The following PLEKHA5 variants were observed in gnomAD, a reference collection of about 807,000 sequenced individuals.
The protein encoded by PLEKHA5 is pleckstrin homology domain containing A5, also known as pleckstrin homology domain-containing family A member 5.
PLEKHA5 carries 55 observed loss-of-function variants against 181.9 expected under a neutral mutation model. The observed-to-expected ratio is 0.30, with a 90% CI of 0.24 to 0.38. The LOEUF (loss-of-function observed/expected upper bound fraction) is 0.38. PLEKHA5 is among the 10% of genes least tolerant of loss of function. The pLI, the probability that PLEKHA5 is intolerant of heterozygous loss-of-function variation, is 1.00. For missense variants in PLEKHA5, 1,432 were observed against 1,549.5 expected, an observed-to-expected ratio of 0.92 and a Z score of 1.27; for synonymous variants, 535 against 529.4, an observed-to-expected ratio of 1.01 and a Z score of -0.15.
chr12:19,253,660 T>C (rs1190307884), intron 3 of PLEKHA5, among the ~76,000 whole-genome samples: 1 of 151,658 alleles, frequency 6.6e-6, no homozygotes, highest in African/African-American at 2.4e-5. Context: ...CTACTAAAAA[T>C]ACAAAAAATT....
chr12:19,234,756 A>G (rs1372656352), intron 3 of PLEKHA5, among the ~76,000 whole-genome samples: 1 of 152,208 alleles, frequency 6.6e-6, no homozygotes, highest in African/African-American at 2.4e-5. Context: ...ATTCCTTCTC[A>G]GTAAGTTTTA....
intron 3 of PLEKHA5, among the ~76,000 whole-genome samples, chr12:19,213,651 T>C (rs1450480329): frequency 6.6e-6 from 1 of 152,116 alleles, no homozygotes; most frequent in African/African-American, 2.4e-5. Flanking sequence ...ATAGATTCCT[T>C]AATGTTTGAA....
At chr12:19,353,835 T>C in intron 25 of PLEKHA5, 49 bp from the exon 26 acceptor site, 1 of 819,428 alleles carries the variant, frequency 1.2e-6, no homozygotes, top group Non-Finnish European at 2.1e-6. Flanking sequence ...AAGAAAGCAA[T>C]GCTGTATAAA....
At chr12:19,274,109 C>A (rs2073878790) in intron 10 of PLEKHA5, among the ~76,000 whole-genome samples, 1 of 152,214 alleles carries the variant, frequency 6.6e-6, no homozygotes, top group East Asian at 1.9e-4. Context: ...CAACCAGACT[C>A]ATGTTTGTCT....
At chr12:19,256,972 T>G (rs2067047376) in intron 5 of PLEKHA5, among the ~76,000 whole-genome samples, 1 of 152,172 alleles carries the variant, frequency 6.6e-6, no homozygotes, top group African/African-American at 2.4e-5. Context: ...ATATATTTGT[T>G]TATATTTAAT....
At chr12:19,138,042 G>A (rs975711486) in intron 3 of PLEKHA5, among the ~76,000 whole-genome samples, 1 of 152,122 alleles carries the variant, frequency 6.6e-6, no homozygotes, top group Non-Finnish European at 1.5e-5. Flanking sequence ...TAGGAAGGGG[G>A]AGGAAGTGGT....
chr12:19,311,113 A>G (rs574599146), intron 15 of PLEKHA5, among the ~76,000 whole-genome samples: 2 of 152,146 alleles, frequency 1.3e-5, no homozygotes, highest in African/African-American at 2.4e-5. Flanking sequence ...GTTTGAGAAC[A>G]TATTGCCCGT....
intron 3 of PLEKHA5, among the ~76,000 whole-genome samples, chr12:19,237,379 T>G (rs1044895421): frequency 6.6e-6 from 1 of 152,126 alleles, no homozygotes; most frequent in Non-Finnish European, 1.5e-5. Flanking sequence ...ATTTAAAATC[T>G]TATTGTTCCT....
Position 19,359,559 on chromosome 12 carries a change from T to G in PLEKHA5, c.3483+13T>G. 6.2e-7 allele frequency: 1 copy of G among 1,611,770 alleles called. No individual in the cohort carries two copies. Among genetic ancestry groups the G allele is most frequent in the African/African-American group, 1.3e-5 (1 of 74,950 alleles). On this transcript the variant is annotated intron_variant, in intron 28 of 31. Transcript: ENST00000429027. Reference sequence around the variant, plus strand: ...CTTCAGCAAAGAGGTAGCGAGATTATTTTATGAAAGGTATTCCAAAGGAAT... The same window carrying G: ...CTTCAGCAAAGAGGTAGCGAGATTAGTTTATGAAAGGTATTCCAAAGGAAT...
chr12:19,283,809 A>G (rs1265771342), intron 12 of PLEKHA5, 64 bp downstream of exon 12: 8 of 1,004,396 alleles, frequency 8.0e-6, no homozygotes, highest in Non-Finnish European at 1.2e-5. Flanking sequence ...TCTTTCTAGT[A>G]TACTATTTTA....
chr12:19,182,848 G>T (rs2048923625), intron 3 of PLEKHA5, among the ~76,000 whole-genome samples: 1 of 152,220 alleles, frequency 6.6e-6, no homozygotes, highest in South Asian at 2.1e-4. Flanking sequence ...AAGGTTATGT[G>T]TAATGTACTA....
chr12:19,276,242 G>T (rs2074470709), intron 11 of PLEKHA5, among the ~76,000 whole-genome samples: 1 of 152,210 alleles, frequency 6.6e-6, no homozygotes, highest in Non-Finnish European at 1.5e-5. Context: ...GAGAGATTCA[G>T]ATTGGTGTCT....
intron 15 of PLEKHA5, among the ~76,000 whole-genome samples, chr12:19,293,008 TTTAATTTGTTG>T (rs1440039523): frequency 6.6e-6 from 1 of 152,182 alleles, no homozygotes; most frequent in African/African-American, 2.4e-5. Flanking sequence ...AATATTTAAT[TTTAATTTGTTG>T]GGAATTTTTT....
intron 3 of PLEKHA5, among the ~76,000 whole-genome samples, chr12:19,245,995 T>C (rs568016669): frequency 1.4e-3 from 208 of 151,458 alleles, no homozygotes; most frequent in Non-Finnish European, 1.1e-3. Flanking sequence ...TTTTTCCTTT[T>C]TTTGACAGAG....
intron 3 of PLEKHA5, among the ~76,000 whole-genome samples, chr12:19,168,793 A>G (rs987640321): frequency 6.6e-6 from 1 of 152,230 alleles, no homozygotes; most frequent in Non-Finnish European, 1.5e-5. Flanking sequence ...AACACAGTAA[A>G]AGGTGGTAAA....
chr12:19,334,829 A>AAAAAAAAAAAAAATATATATATATATAT, intron 20 of PLEKHA5, among the ~76,000 whole-genome samples: 1 of 18,600 alleles, frequency 5.4e-5, no homozygotes. Context: ...AAAAAAAAAA[A>AAAAAAAAAAAAAATATATATATATATAT]ATATATATAT....
Position 19,241,878 on chromosome 12 carries a change from A to G in PLEKHA5, c.228-12062A>G, listed in dbSNP as rs181527713. On this transcript the variant is annotated intron_variant, in intron 3 of 31. Coordinates refer to ENST00000429027, the MANE Select transcript of PLEKHA5 (RefSeq NM_001256470.2). ...GTGGCTGAGATGTTATTAGCAGTCA[A>G]TATCACTTAATTCTTGAATACTTGG... Among the ~76,000 whole-genome samples, 15 of 152,322 alleles carry G rather than the reference A, an allele frequency of 9.8e-5. No individual in the cohort carries two copies. The East Asian group carries it at 1.3e-3, about 14-fold the overall frequency.
intron 15 of PLEKHA5, chr12:19,306,742 G>A: frequency 1.8e-6 from 2 of 1,137,132 alleles, no homozygotes; most frequent in East Asian, 4.7e-5. Context: ...CTTCCCGCCG[G>A]ATAATTCACC....
In PLEKHA5 at chr12:19,230,663, G is replaced by A. The variant is rs1020492813; in HGVS notation, c.228-23277G>A. On this transcript the variant is annotated intron_variant, in intron 3 of 31. Transcript: ENST00000429027. The stretch of plus-strand genomic sequence containing the variant: ...GCCGGCCACTCTGAGTGCGGCCCGC[G>A]GAGCCTGTGCCCACCTGAAACTTGC... 1.1e-4 allele frequency among the ~76,000 whole-genome samples: 17 copies of A among 152,256 alleles called. No individual in the cohort carries two copies. In the East Asian group the frequency reaches 2.3e-3, roughly 21 times the overall value.
Sources: gnomAD v4.1 joint callset for allele counts (sites outside exome capture counted in the v4.1 genomes callset) on GRCh38, gnomAD v4.1.1 for gene constraint, MANE v1.5 for transcripts, NCBI Gene and HGNC (gene_info 2026-07-23, HGNC 2026-07-21) for gene names.